The following FOXP1 variants were observed in gnomAD, a reference collection of about 807,000 sequenced individuals.
The protein encoded by FOXP1 is forkhead box protein P1.
A neutral mutation model predicts 98.2 loss-of-function variants in FOXP1; 15 were observed. The ratio of observed to expected loss-of-function variants is 0.15; its 90% CI spans 0.10 to 0.24. FOXP1 has a LOEUF of 0.24. Ranked by LOEUF, FOXP1 falls within the 10% of genes least tolerant of loss-of-function variation. The probability of loss-of-function intolerance (pLI) is 1.00; values close to 1 mark genes in which losing one functional copy is unlikely to be tolerated. For missense variants in FOXP1, 633 were observed against 848.5 expected, an observed-to-expected ratio of 0.75 and a Z score of 3.15; for synonymous variants, 371 against 314.5, an observed-to-expected ratio of 1.18 and a Z score of -1.90.
chr3:71,318,484 G>A (rs946234667), intron 4 of FOXP1, among the ~76,000 whole-genome samples: 2 of 152,170 alleles, frequency 1.3e-5, no homozygotes, highest in African/African-American at 4.8e-5. Flanking sequence ...TGCAATCACC[G>A]AAATTGGCTT....
chr3:71,203,938 G>GAGCAAGGA (rs2063827331), intron 5 of FOXP1, among the ~76,000 whole-genome samples: 1 of 131,352 alleles, frequency 7.6e-6, no homozygotes, highest in Admixed American at 7.9e-5. Context: ...GAAAAGGAAG[G>GAGCAAGGA]AGGAAGGAAG....
At chr3:70,992,839 G>A (rs1409609843) in intron 13 of FOXP1, among the ~76,000 whole-genome samples, 2 of 152,146 alleles carry the variant, frequency 1.3e-5, no homozygotes, top group Non-Finnish European at 1.5e-5. Context: ...GAGAAACCCA[G>A]AGACTCTCTC....
chr3:70,969,573 C>G (rs901281487), intron 19 of FOXP1: 1 of 152,246 alleles, frequency 6.6e-6, no homozygotes, highest in Non-Finnish European at 1.5e-5. Flanking sequence ...ACCCAGGGCT[C>G]CTGTCAGTAT....
intron 2 of FOXP1, among the ~76,000 whole-genome samples, chr3:71,533,422 T>C (rs2044022063): frequency 6.6e-6 from 1 of 152,226 alleles, no homozygotes; most frequent in Non-Finnish European, 1.5e-5. Context: ...TTTCATTTCC[T>C]CTAGCTTACT....
chr3:71,510,729 A>AT (rs1282288552), intron 2 of FOXP1, among the ~76,000 whole-genome samples: 1 of 152,218 alleles, frequency 6.6e-6, no homozygotes, highest in Admixed American at 6.5e-5. Flanking sequence ...AGACCCAGCC[A>AT]TTGCTCATAT....
At chr3:71,056,837 G>A (rs930855270) in intron 7 of FOXP1, among the ~76,000 whole-genome samples, 4 of 151,938 alleles carry the variant, frequency 2.6e-5, no homozygotes, top group African/African-American at 9.7e-5. Context: ...AAAAAAATCT[G>A]AGCAGTTTTT....
intron 6 of FOXP1, among the ~76,000 whole-genome samples, chr3:71,197,297 A>C (rs778955827): frequency 6.6e-6 from 1 of 152,158 alleles, no homozygotes; most frequent in Non-Finnish European, 1.5e-5. Flanking sequence ...CCGGTCATAA[A>C]CCATCTATTA....
intron 6 of FOXP1, among the ~76,000 whole-genome samples, chr3:71,153,055 A>G (rs754905222): frequency 2.6e-5 from 4 of 152,168 alleles, no homozygotes; most frequent in African/African-American, 2.4e-5. Context: ...AGAATGCTGA[A>G]CTTTGTGACT....
At chr3:71,301,431 C>T (rs1000271420) in intron 4 of FOXP1, among the ~76,000 whole-genome samples, 5 of 152,152 alleles carry the variant, frequency 3.3e-5, no homozygotes, top group African/African-American at 9.7e-5. Context: ...AGATACAAAG[C>T]GCACACAGAA....
chr3:71,348,522 CGTGTGTGTGTGTGTGTGTGTGTGT>C (rs772944612), intron 4 of FOXP1, among the ~76,000 whole-genome samples: 1 of 69,924 alleles, frequency 1.4e-5, no homozygotes, highest in South Asian at 5.8e-4. Flanking sequence ...TGTGTGTGTG[CGTGTGTGTGTGTGTGTGTGTGTGT>C]GTGCGTGCGC....
intron 6 of FOXP1, among the ~76,000 whole-genome samples, chr3:71,162,396 C>G (rs2061181833): frequency 6.6e-6 from 1 of 152,348 alleles, no homozygotes; most frequent in African/African-American, 2.4e-5. Flanking sequence ...TACATCTCTA[C>G]TGATATAAGC....
intron 3 of FOXP1, among the ~76,000 whole-genome samples, chr3:71,376,804 T>C (rs2079749207): frequency 6.6e-6 from 1 of 152,208 alleles, no homozygotes; most frequent in Non-Finnish European, 1.5e-5. Context: ...AGTTGGAGGA[T>C]GATTTTTACA....
intron 10 of FOXP1, among the ~76,000 whole-genome samples, chr3:71,041,936 A>G (rs985217598): frequency 6.6e-6 from 1 of 152,236 alleles, no homozygotes; most frequent in Non-Finnish European, 1.5e-5. Flanking sequence ...TACAAAATGA[A>G]TAATTTTTGT....
At chr3:71,391,853 G>A (rs1201620734) in intron 3 of FOXP1, among the ~76,000 whole-genome samples, 1 of 152,170 alleles carries the variant, frequency 6.6e-6, no homozygotes, top group African/African-American at 2.4e-5. Context: ...TCTCTGTGCT[G>A]GGGGACCTCA....
rs78200137 is a variant in FOXP1 at position 70,983,435 on chromosome 3, C to G, written c.1146+4559G>C. Among the ~76,000 whole-genome samples the G allele has an allele frequency of 8.7e-4, 132 of 152,182 alleles. 3 individuals are homozygous for G. In the East Asian group the frequency reaches 0.02, roughly 24 times the overall value. On this transcript the variant is annotated intron_variant, in intron 14 of 20. Transcript: ENST00000649528. The stretch of plus-strand genomic sequence containing the variant: ...AATGATCCTTGAAGAGTTAAAAGAC[C>G]CTTTCTTTTCGGGGGGGCACTTTGT...
intron 6 of FOXP1, among the ~76,000 whole-genome samples, chr3:71,171,359 A>T (rs139213055): frequency 7.2e-5 from 11 of 152,284 alleles, no homozygotes; most frequent in African/African-American, 2.6e-4. Context: ...CCATTTTCAG[A>T]TGTTAAATCA....
intron 6 of FOXP1, among the ~76,000 whole-genome samples, chr3:71,188,349 G>C (rs1447872112): frequency 6.6e-6 from 1 of 152,056 alleles, no homozygotes; most frequent in Non-Finnish European, 1.5e-5. Context: ...ATGAGACAAG[G>C]TAATGTGATA....
At chr3:71,041,876 GA>G (rs2048393603) in intron 10 of FOXP1, among the ~76,000 whole-genome samples, 1 of 152,102 alleles carries the variant, frequency 6.6e-6, no homozygotes, top group Non-Finnish European at 1.5e-5. Context: ...TAGACACAAA[GA>G]AGGGCTCAAA....
rs1417948038 is a variant in FOXP1 at position 70,980,953 on chromosome 3, A to C, written c.1147-2924T>G. ...TTCTGAAAGATGCAATGAAAATTACAAACACAAATGTCCTTCATGCCTGCT... is the reference window on the plus strand; with the variant it reads ...TTCTGAAAGATGCAATGAAAATTACCAACACAAATGTCCTTCATGCCTGCT... On this transcript the variant is annotated intron_variant, in intron 14 of 20. Transcript: ENST00000649528. 2.0e-5 allele frequency among the ~76,000 whole-genome samples: 3 copies of C among 152,178 alleles called. 1 individual carries two copies. Among genetic ancestry groups the C allele is most frequent in the Admixed American group, 2.0e-4 (3 of 15,284 alleles).
Sources: gnomAD v4.1 joint callset for allele counts (sites outside exome capture counted in the v4.1 genomes callset) on GRCh38, gnomAD v4.1.1 for gene constraint, MANE v1.5 for transcripts, NCBI Gene and HGNC (gene_info 2026-07-23, HGNC 2026-07-21) for gene names.